Variants in ICE1 observed in about 807,000 individuals in gnomAD.
The protein encoded by ICE1 is little elongation complex subunit 1.
In ICE1, 64 loss-of-function variants were observed where a neutral mutation model predicts 192.7. That is an observed-to-expected ratio of 0.33 (90% CI 0.27 to 0.41). The LOEUF (loss-of-function observed/expected upper bound fraction) is 0.41. Ranked by LOEUF, ICE1 falls within the 10% of genes least tolerant of loss-of-function variation. ICE1 has a pLI of 1.00. For synonymous variants in ICE1, 1,010 were observed against 984.5 expected (o/e 1.03, Z -0.49); for missense variants, 2,708 against 2,696.0 (o/e 1.00, Z -0.10).
At chr5:5,442,035 A>G (rs555489822) in intron 5 of ICE1, among the ~76,000 whole-genome samples, 14 of 152,214 alleles carry the variant, frequency 9.2e-5, no homozygotes, top group Non-Finnish European at 1.9e-4. Flanking sequence ...AGATATGAAA[A>G]TACGTATGTC....
chr5:5,486,640 A>G (rs974795272), intron 17 of ICE1, 81 bp from the exon 18 acceptor site: 3 of 918,484 alleles, frequency 3.3e-6, no homozygotes, highest in Non-Finnish European at 5.2e-6. Flanking sequence ...ACCTCTTGTA[A>G]GAGAAGTGGA....
chr5:5,455,905 A>G (rs1037936908), intron 11 of ICE1, among the ~76,000 whole-genome samples: 2 of 151,838 alleles, frequency 1.3e-5, no homozygotes, highest in African/African-American at 4.8e-5. Flanking sequence ...ACAGGAACCC[A>G]CGTTGCCTTT....
rs1180992380 is a variant in ICE1, at chr5:5,462,899, T to A, written c.3565T>A (p.Ser1189Thr). 1.9e-6 allele frequency: 3 copies of A among 1,608,856 alleles called. No individual in the cohort carries two copies. The highest frequency in any genetic ancestry group is 8.5e-7 in the Non-Finnish European group (1 of 1,177,164). Residue 1189 changes from serine to threonine, a missense_variant, in exon 13 of 19, where the codon TCA becomes ACA. Around this residue, in one of 2 missense-constraint regions of ICE1, gnomAD observed 2,366 missense variants for 2,276.6 expected, o/e 1.04. Coordinates refer to ENST00000296564, the MANE Select transcript of ICE1 (RefSeq NM_015325.3). The part of the protein sequence containing the change: ...LESCQLGDYS[S>T]GDSVSECSSK... ...GAGCTGTCAGTTAGGGGATTATAGT[T>A]CAGGGGACTCTGTTTCTGAATGTTC...
chr5:5,433,495 T>C (rs566882084), intron 1 of ICE1, among the ~76,000 whole-genome samples: 1 of 152,272 alleles, frequency 6.6e-6, no homozygotes, highest in South Asian at 2.1e-4. Context: ...GCTTTCCAGT[T>C]TCCGTTTGTC....
In ICE1 at chr5:5,449,461, GAA is replaced by G. The variant is rs11324848; in HGVS notation, c.604+1575_604+1576del. ...AAATTCCAACAAAAATTTTCGACCG[GAA>G]AAAAAAAAAACAAAAACAGCAGCAA... On this transcript the variant is annotated intron_variant, in intron 10 of 18. Coordinates refer to ENST00000296564, the MANE Select transcript of ICE1 (RefSeq NM_015325.3). Among the ~76,000 whole-genome samples the G allele has an allele frequency of 4.4e-5, 6 of 135,568 alleles. No homozygotes were observed. The South Asian group carries it at 9.3e-4, about 21-fold the overall frequency. 88.9% of individuals were successfully genotyped at this position (135,568 alleles called of 152,430 possible).
intron 3 of ICE1, among the ~76,000 whole-genome samples, chr5:5,439,361 T>C (rs1047809895): frequency 4.6e-5 from 7 of 152,176 alleles, no homozygotes; most frequent in African/African-American, 1.7e-4. Context: ...TGTTTTTTGC[T>C]ATCTTAGAAT....
chr5:5,471,598 A>C (rs1289005649), intron 15 of ICE1, among the ~76,000 whole-genome samples: 3 of 152,166 alleles, frequency 2.0e-5, no homozygotes, highest in Non-Finnish European at 4.4e-5. Flanking sequence ...AACTAAATAG[A>C]GTTTATCCTG....
At chr5:5,469,048 T>C in intron 15 of ICE1, 60 bp downstream of exon 15, 1 of 1,176,874 alleles carries the variant, frequency 8.5e-7, no homozygotes, top group Non-Finnish European at 1.1e-6. Flanking sequence ...AAATGTTAAT[T>C]ATTTTGTTGT....
intron 14 of ICE1, 116 bp from the exon 15 acceptor site, chr5:5,468,712 C>T: frequency 1.7e-6 from 1 of 571,950 alleles, no homozygotes; most frequent in Non-Finnish European, 2.8e-6. Context: ...TTACAGCTTC[C>T]TCCATTGCAG....
At chr5:5,482,524 A>G (rs1317406854) in intron 17 of ICE1, among the ~76,000 whole-genome samples, 1 of 152,180 alleles carries the variant, frequency 6.6e-6, no homozygotes, top group Non-Finnish European at 1.5e-5. Flanking sequence ...GGGTGTGGGG[A>G]GGCTGGAGCA....
intron 18 of ICE1, 89 bp downstream of exon 18, chr5:5,486,908 TC>T: frequency 1.1e-6 from 1 of 877,124 alleles, no homozygotes; most frequent in East Asian, 2.7e-5. Flanking sequence ...TGTGCTGTGC[TC>T]TGTGCTTTGC....
chr5:5,488,395 G>A (rs1458921655), intron 18 of ICE1, among the ~76,000 whole-genome samples: 1 of 152,192 alleles, frequency 6.6e-6, no homozygotes, highest in East Asian at 1.9e-4. Context: ...TCCCTAATCA[G>A]AAAATCAGAA....
rs1390011273 is a variant in ICE1 at position 5,462,606 on chromosome 5, C to G, written c.3272C>G (p.Pro1091Arg). ...ETQDTSQSSL[P>R]GTLHCYTGIR... is the part of the protein sequence containing the mutation. ...CAGGATACCTCCCAAAGTAGCCTGC[C>G]TGGTACCTTACATTGTTACACAGGC... The change falls in exon 13 of 19, where the codon CCT becomes CGT. Residue 1091 changes from proline (P) to arginine (R), a missense_variant. By Grantham distance (103) the Pro-to-Arg change is moderately radical. Around this residue, in one of 2 missense-constraint regions of ICE1, gnomAD observed 2,366 missense variants for 2,276.6 expected, o/e 1.04. Transcript: ENST00000296564. 1 of 1,613,824 alleles carries G rather than the reference C, an allele frequency of 6.2e-7. No individual in the cohort carries two copies. Among genetic ancestry groups the G allele is most frequent in the Non-Finnish European group, 8.5e-7 (1 of 1,179,884 alleles).
At chr5:5,481,866 G>GC (rs1037093032) in intron 17 of ICE1, among the ~76,000 whole-genome samples, 3 of 152,136 alleles carry the variant, frequency 2.0e-5, no homozygotes, top group African/African-American at 4.8e-5. Context: ...CTATCAGTAG[G>GC]CTACCCCATA....
rs754013048 is a variant in ICE1, at chr5:5,465,013, C to T, written c.5679C>T (p.Ala1893=). The T allele has an allele frequency of 9.3e-6, 15 of 1,613,788 alleles. No homozygotes were observed. Among genetic ancestry groups the T allele is most frequent in the African/African-American group, 8.0e-5 (6 of 74,914 alleles). The change falls in exon 13 of 19, where the codon GCC becomes GCT. Residue 1893 remains alanine, a synonymous_variant. Coordinates refer to ENST00000296564, the MANE Select transcript of ICE1 (RefSeq NM_015325.3). ...TNEERSCSSP[A]VSAVSQLPLS... ...AGGAAAGAAGTTGTTCTAGTCCAGC[C>T]GTCAGTGCAGTTTCACAGTTGCCTT... is the stretch of plus-strand genomic sequence containing the variant.
chr5:5,456,327 G>A (rs1359126112), intron 11 of ICE1, among the ~76,000 whole-genome samples: 2 of 152,186 alleles, frequency 1.3e-5, no homozygotes, highest in Admixed American at 1.3e-4. Context: ...TTGGCCTACA[G>A]CAGTAGATCT....
intron 18 of ICE1, among the ~76,000 whole-genome samples, chr5:5,488,148 C>T (rs1418476456): frequency 6.6e-6 from 1 of 152,114 alleles, no homozygotes; most frequent in African/African-American, 2.4e-5. Context: ...TTTCTCATTG[C>T]TTGTGGTTTA....
chr5:5,454,521 C>G, intron 10 of ICE1, 31 bp from the exon 11 acceptor site: 1 of 1,534,858 alleles, frequency 6.5e-7, no homozygotes, highest in Non-Finnish European at 9.0e-7. Context: ...AGCCAAATGA[C>G]GTGACTTTAA....
rs1179910764 is a variant in ICE1 at position 5,457,683 on chromosome 5, C to G, written c.1043C>G (p.Pro348Arg). ...KLPPPLLSPV[P>R]SPPPMSSPHP... ...CCCCCTCCTCTTCTGTCACCAGTGCCCTCGCCCCCTCCGATGTCATCACCT... is the reference window on the plus strand; with the variant it reads ...CCCCCTCCTCTTCTGTCACCAGTGCGCTCGCCCCCTCCGATGTCATCACCT... The change falls in exon 12 of 19, where the codon CCC becomes CGC. Residue 348 changes from proline to arginine, a missense_variant. Transcript: ENST00000296564. 4 of 1,613,888 alleles carry G rather than the reference C, an allele frequency of 2.5e-6. No individual in the cohort carries two copies. The highest frequency in any genetic ancestry group is 2.5e-6 in the Non-Finnish European group (3 of 1,179,854).
Sources: allele counts gnomAD v4.1 joint callset (sites outside exome capture counted in the v4.1 genomes callset), GRCh38; gene constraint gnomAD v4.1.1; regional missense constraint gnomAD v4.1.1; transcripts MANE v1.5; gene names NCBI Gene and HGNC (gene_info 2026-07-23, HGNC 2026-07-21).